RARB: variants seen among roughly 807,000 people sequenced by gnomAD.
The protein encoded by RARB is HBV-activated protein.
Under a neutral mutation model 51.9 loss-of-function variants are expected in RARB, and 17 were observed. The observed-to-expected ratio is 0.33, with a 90% CI of 0.22 to 0.49. The LOEUF is 0.49. Among genes scored for constraint, RARB ranks in the 20% least tolerant of loss-of-function variants. The pLI is 0.99. For missense variants in RARB, 369 were observed against 550.8 expected (o/e 0.67, Z 3.30); for synonymous variants, 215 against 195.4 (o/e 1.10, Z -0.84).
At chr3:25,082,900 T>A (rs1699037086) in intron 3 of RARB, among the ~76,000 whole-genome samples, 1 of 152,124 alleles carries the variant, frequency 6.6e-6, no homozygotes, top group Non-Finnish European at 1.5e-5. Flanking sequence ...AACTTCTTAA[T>A]ATCACCTTTA....
intron 1 of RARB, among the ~76,000 whole-genome samples, chr3:25,450,386 C>T (rs1056744172): frequency 3.8e-4 from 58 of 152,182 alleles, no homozygotes; most frequent in African/African-American, 1.4e-3. Flanking sequence ...ATGTAGTAAG[C>T]GTGGTTGTCA....
intron 2 of RARB, among the ~76,000 whole-genome samples, chr3:25,482,782 G>T (rs989244775): frequency 6.6e-6 from 1 of 151,638 alleles, no homozygotes; most frequent in Non-Finnish European, 1.5e-5. Context: ...CTCATGATCC[G>T]CCCAGCTCGG....
intron 3 of RARB, among the ~76,000 whole-genome samples, chr3:25,546,466 C>T (rs1448829888): frequency 1.3e-5 from 2 of 152,010 alleles, no homozygotes; most frequent in Non-Finnish European, 2.9e-5. Context: ...GGGAGGAGTC[C>T]AGTATTCACA....
At chr3:25,252,813 C>T (rs952677860) in intron 5 of RARB, among the ~76,000 whole-genome samples, 1 of 152,096 alleles carries the variant, frequency 6.6e-6, no homozygotes, top group African/African-American at 2.4e-5. Context: ...CAGTAGCATC[C>T]AGTCTAATTG....
intron 1 of RARB, among the ~76,000 whole-genome samples, chr3:25,460,606 C>T (rs1343836394): frequency 6.6e-6 from 1 of 151,914 alleles, no homozygotes; most frequent in Non-Finnish European, 1.5e-5. Context: ...CACCACCACA[C>T]CTTGCTAATT....
At chr3:25,217,498 C>CG (rs1198353856) in intron 5 of RARB, among the ~76,000 whole-genome samples, 1 of 148,882 alleles carries the variant, frequency 6.7e-6, no homozygotes, top group African/African-American at 2.6e-5. Flanking sequence ...CTACTCCCAC[C>CG]CCCCCCAATT....
intron 3 of RARB, among the ~76,000 whole-genome samples, chr3:25,563,054 C>G (rs1320305676): frequency 6.6e-6 from 1 of 152,186 alleles, no homozygotes; most frequent in Non-Finnish European, 1.5e-5. Flanking sequence ...AATGCTGTGT[C>G]CAGACTAATT....
chr3:25,412,013 C>T (rs1303730018), intron 5 of RARB, among the ~76,000 whole-genome samples: 1 of 152,168 alleles, frequency 6.6e-6, no homozygotes. Context: ...TTTAAACATT[C>T]TCTTTCTTCC....
chr3:25,270,084 G>A (rs1703218813), intron 5 of RARB, among the ~76,000 whole-genome samples: 1 of 152,166 alleles, frequency 6.6e-6, no homozygotes, highest in African/African-American at 2.4e-5. Context: ...CATCTTCTAT[G>A]AGAATAGTAT....
At chr3:25,348,624 A>G (rs1373231980) in intron 5 of RARB, among the ~76,000 whole-genome samples, 3 of 152,246 alleles carry the variant, frequency 2.0e-5, no homozygotes, top group African/African-American at 7.2e-5. Flanking sequence ...GAAATTGCAC[A>G]TGACACATGA....
intron 1 of RARB, among the ~76,000 whole-genome samples, chr3:25,456,680 T>TAGAGAGAGAGAGAG (rs1457174762): frequency 2.0e-5 from 2 of 99,970 alleles, no homozygotes; most frequent in East Asian, 5.6e-4. Context: ...TATATATATA[T>TAGAGAGAGAGAGAG]ATAGAGAGAG....
chr3:25,586,124 G>T (rs1297986093), intron 5 of RARB, among the ~76,000 whole-genome samples: 1 of 152,106 alleles, frequency 6.6e-6, no homozygotes, highest in African/African-American at 2.4e-5. Context: ...CCTCAGTCAA[G>T]CTCTTTCCTG....
chr3:25,517,910 T>G (rs1698238580), intron 3 of RARB, among the ~76,000 whole-genome samples: 2 of 152,092 alleles, frequency 1.3e-5, no homozygotes, highest in Non-Finnish European at 1.5e-5. Flanking sequence ...CCATATTCTA[T>G]GAGATCATCC....
intron 2 of RARB, among the ~76,000 whole-genome samples, chr3:25,471,263 C>G (rs1046284008): frequency 6.6e-6 from 1 of 152,148 alleles, no homozygotes; most frequent in South Asian, 2.1e-4. Context: ...CTCTCTGATA[C>G]TATCTTTAGG....
chr3:25,366,358 G>A (rs1459861866), intron 5 of RARB, among the ~76,000 whole-genome samples: 1 of 152,108 alleles, frequency 6.6e-6, no homozygotes, highest in African/African-American at 2.4e-5. Flanking sequence ...CTACCCCTCA[G>A]GATTACTATT....
intron 3 of RARB, among the ~76,000 whole-genome samples, chr3:25,552,161 C>A (rs1398400006): frequency 6.6e-6 from 1 of 152,016 alleles, no homozygotes. Context: ...CAAAAACAGA[C>A]TGTGTGATTA....
chr3:25,563,333 C>G (rs1181172907), intron 3 of RARB, among the ~76,000 whole-genome samples: 2 of 152,204 alleles, frequency 1.3e-5, no homozygotes, highest in Admixed American at 6.5e-5. Context: ...GCACCCTACC[C>G]TCAGCCTGGT....
Position 25,478,430 on chromosome 3 carries a change from T to C in RARB, c.306+17089T>C, listed in dbSNP as rs1043559976. ...TCTTGAGAGCCTGTTGTAGGAAAAATATGCATCTCTGTGCCCTCGGAAGAC... is the reference window on the plus strand; with the variant it reads ...TCTTGAGAGCCTGTTGTAGGAAAAACATGCATCTCTGTGCCCTCGGAAGAC... On this transcript the variant is annotated intron_variant, in intron 2 of 7. Coordinates refer to ENST00000330688, the MANE Select transcript of RARB (RefSeq NM_000965.5). Among the ~76,000 whole-genome samples the C allele has an allele frequency of 5.3e-5, 8 of 152,090 alleles. No homozygotes were observed. In the East Asian group the frequency reaches 1.5e-3, roughly 29 times the overall value.
chr3:25,088,030 T>G (rs552254093), intron 3 of RARB, among the ~76,000 whole-genome samples: 1 of 152,030 alleles, frequency 6.6e-6, no homozygotes, highest in South Asian at 2.1e-4. Context: ...ACAAGAAGGT[T>G]GTAAAGGACA....
Sources: gnomAD v4.1 joint callset for allele counts (sites outside exome capture counted in the v4.1 genomes callset) on GRCh38, gnomAD v4.1.1 for gene constraint, MANE v1.5 for transcripts, NCBI Gene and HGNC (gene_info 2026-07-23, HGNC 2026-07-21) for gene names.